The following ANO4 variants were observed in gnomAD, a reference collection of about 807,000 sequenced individuals.
ANO4 encodes anoctamin-4.
ANO4 carries 69 observed loss-of-function variants against 141.9 expected under a neutral mutation model. The ratio of observed to expected loss-of-function variants is 0.49; its 90% CI spans 0.40 to 0.59. The LOEUF is 0.59. Among genes scored for constraint, ANO4 ranks in the 20% least tolerant of loss-of-function variants. The pLI is 0.00. For missense variants in ANO4, 894 were observed against 1,162.2 expected, an observed-to-expected ratio of 0.77 and a Z score of 3.36; for synonymous variants, 350 against 394.3, an observed-to-expected ratio of 0.89 and a Z score of 1.33.
At chr12:100,731,231 A>G (rs886151443) in intron 1 of ANO4, among the ~76,000 whole-genome samples, 1 of 152,198 alleles carries the variant, frequency 6.6e-6, no homozygotes, top group African/African-American at 2.4e-5. Context: ...TTGTCACATA[A>G]TGTTCAAATG....
intron 1 of ANO4, among the ~76,000 whole-genome samples, chr12:100,830,989 C>T (rs1458984353): frequency 1.3e-5 from 2 of 152,000 alleles, no homozygotes; most frequent in African/African-American, 2.4e-5. Context: ...CAGTGACTAG[C>T]GTAAAAATCT....
intron 8 of ANO4, among the ~76,000 whole-genome samples, chr12:101,010,249 T>C (rs2046029952): frequency 6.6e-6 from 1 of 152,182 alleles, no homozygotes. Context: ...AAAAATTGTA[T>C]GCAAATGTTT....
intron 18 of ANO4, among the ~76,000 whole-genome samples, chr12:101,096,064 C>A (rs4764634): frequency 0.51 from 77,425 of 152,082 alleles, 22,126 homozygotes; most frequent in African/African-American, 0.79. Flanking sequence ...TGCTCTTAGC[C>A]TTCTATGATA....
intron 9 of ANO4, among the ~76,000 whole-genome samples, chr12:101,032,287 A>C (rs991796373): frequency 6.6e-6 from 1 of 152,188 alleles, no homozygotes; most frequent in Non-Finnish European, 1.5e-5. Flanking sequence ...ACACATCTAC[A>C]ACCATCCGAT....
intron 8 of ANO4, among the ~76,000 whole-genome samples, chr12:101,009,292 G>A (rs1051906492): frequency 2.0e-5 from 3 of 152,120 alleles, no homozygotes; most frequent in African/African-American, 7.2e-5. Flanking sequence ...CTATCTACAA[G>A]TCAAGGAGAG....
intron 1 of ANO4, among the ~76,000 whole-genome samples, chr12:100,857,344 A>G (rs2038228838): frequency 2.0e-5 from 3 of 152,202 alleles, no homozygotes; most frequent in Non-Finnish European, 2.9e-5. Flanking sequence ...TTAGTACAGA[A>G]TAATTACAAC....
intron 3 of ANO4, among the ~76,000 whole-genome samples, chr12:100,741,844 C>G (rs1465319097): frequency 6.6e-6 from 1 of 152,034 alleles, no homozygotes. Context: ...AAAGTACCTC[C>G]TTTATATATT....
intron 1 of ANO4, among the ~76,000 whole-genome samples, chr12:100,798,026 T>G (rs2034440481): frequency 6.6e-6 from 1 of 152,216 alleles, no homozygotes; most frequent in Admixed American, 6.5e-5. Flanking sequence ...CTGTTTTCCA[T>G]AGTTGATTAC....
rs559468241 is a variant in ANO4 at position 100,889,101 on chromosome 12, A to G, written c.-140-12545A>G. The stretch of plus-strand genomic sequence containing the variant: ...TGTGTCCATGTGTTCTCATTGTTCA[A>G]TTCTCATCTATGAGTGAGAACATGT... On this transcript the variant is annotated intron_variant, in intron 1 of 27. Coordinates refer to ENST00000392977, the MANE Select transcript of ANO4 (RefSeq NM_001286615.2). Among the ~76,000 whole-genome samples, 44 of 142,884 alleles carry G rather than the reference A, an allele frequency of 3.1e-4. 1 individual carries two copies. In the South Asian group the frequency reaches 5.5e-3, roughly 18 times the overall value. The allele number at this position is 142,884 out of a possible 152,430, so 93.7% of individuals were successfully genotyped here. A position where few individuals can be genotyped will look rare whatever the true frequency, so the allele number is the denominator to read the frequency against.
chr12:100,797,445 C>T (rs1006862587), intron 1 of ANO4, among the ~76,000 whole-genome samples: 2 of 152,084 alleles, frequency 1.3e-5, no homozygotes, highest in African/African-American at 2.4e-5. Flanking sequence ...GCATAGAAAA[C>T]TACTGCAGGA....
intron 3 of ANO4, among the ~76,000 whole-genome samples, chr12:100,759,415 TTCTTA>T (rs1168198918): frequency 6.6e-6 from 1 of 152,190 alleles, no homozygotes; most frequent in African/African-American, 2.4e-5. Context: ...CAATGATGAA[TTCTTA>T]TCTTGGCTCA....
At chr12:100,720,509 G>T (rs2030815869) in intron 1 of ANO4, among the ~76,000 whole-genome samples, 1 of 151,688 alleles carries the variant, frequency 6.6e-6, no homozygotes. Flanking sequence ...CAGAAGACAG[G>T]AAGACAGTGC....
chr12:100,802,587 T>A (rs1044667271), intron 1 of ANO4, among the ~76,000 whole-genome samples: 2 of 152,206 alleles, frequency 1.3e-5, no homozygotes, highest in Non-Finnish European at 2.9e-5. Context: ...GAGTGAGAGA[T>A]GATGTGGTAG....
intron 1 of ANO4, among the ~76,000 whole-genome samples, chr12:100,897,453 C>A: frequency 6.6e-6 from 1 of 152,140 alleles, no homozygotes; most frequent in East Asian, 1.9e-4. Context: ...CCATCTGTGC[C>A]CAAGATGTCT....
At chr12:101,125,619 G>A (rs2051280022) in intron 26 of ANO4, among the ~76,000 whole-genome samples, 1 of 152,118 alleles carries the variant, frequency 6.6e-6, no homozygotes, top group Non-Finnish European at 1.5e-5. Context: ...GACCTTTTCT[G>A]CAGCTATTGA....
chr12:100,822,791 C>T (rs150377273), intron 1 of ANO4, among the ~76,000 whole-genome samples: 25 of 151,948 alleles, frequency 1.6e-4, no homozygotes, highest in Non-Finnish European at 2.9e-4. Context: ...TAGATGTTCC[C>T]CTTATCTTTG....
chr12:100,724,010 AC>A (rs2030984317), intron 1 of ANO4, among the ~76,000 whole-genome samples: 1 of 110,006 alleles, frequency 9.1e-6, no homozygotes. Flanking sequence ...AGGAAGCAAA[AC>A]AAAAACAAAC....
chr12:100,891,130 T>C lies in ANO4; in HGVS notation c.-140-10516T>C, dbSNP rs74972850. Among the ~76,000 whole-genome samples, 1,115 of 152,340 alleles carry C rather than the reference T, an allele frequency of 7.3e-3. 13 individuals carry two copies. The highest frequency in any genetic ancestry group is 0.025 in the African/African-American group (1,049 of 41,580). On this transcript the variant is annotated intron_variant, in intron 1 of 27. Transcript: ENST00000392977. Reference sequence around the variant, plus strand: ...TAAATGGACAGTTAAGGTTCCCACATGTCTTTTCATGGCTTGACAGTTTGT... The same window carrying C: ...TAAATGGACAGTTAAGGTTCCCACACGTCTTTTCATGGCTTGACAGTTTGT...
chr12:100,738,584 TAGAG>T (rs2031710345), intron 2 of ANO4, among the ~76,000 whole-genome samples: 1 of 152,088 alleles, frequency 6.6e-6, no homozygotes, highest in Non-Finnish European at 1.5e-5. Context: ...CCTGAAATCT[TAGAG>T]AGTCCAGAGT....
Sources: gnomAD v4.1 joint callset for allele counts (sites outside exome capture counted in the v4.1 genomes callset) on GRCh38, gnomAD v4.1.1 for gene constraint, MANE v1.5 for transcripts, NCBI Gene and HGNC (gene_info 2026-07-23, HGNC 2026-07-21) for gene names.